The following ZDHHC11B variants were observed in gnomAD, a reference collection of about 807,000 sequenced individuals.
The protein encoded by ZDHHC11B is probable palmitoyltransferase ZDHHC11B.
ZDHHC11B carries 17 observed loss-of-function variants against 42.3 expected under a neutral mutation model. The ratio of observed to expected loss-of-function variants is 0.40; its 90% CI spans 0.27 to 0.60. ZDHHC11B has a LOEUF of 0.60. Ranked by LOEUF, ZDHHC11B falls within the 20% of genes least tolerant of loss-of-function variation. ZDHHC11B has a pLI of 0.41. For synonymous variants in ZDHHC11B, 123 were observed against 193.5 expected (o/e 0.64, Z 3.02); for missense variants, 262 against 463.2 (o/e 0.57, Z 3.99).
intron 7 of ZDHHC11B, among the ~76,000 whole-genome samples, chr5:749,250 A>G (rs112089529): frequency 7.7e-6 from 1 of 130,468 alleles, no homozygotes; most frequent in Non-Finnish European, 1.7e-5. Context: ...CACAGCTCTC[A>G]CCTGGGGTCA....
In ZDHHC11B at chr5:743,013, G is replaced by C. The variant is rs383089; in HGVS notation, c.901-1385C>G. On this transcript the variant is annotated intron_variant, in intron 9 of 13. Transcript: ENST00000508859. ...GGATTTGGGGCTAATTCTTCTGTGG[G>C]GAATGAAGTGATCCTGGGTAATCTT... 1.2e-3 allele frequency among the ~76,000 whole-genome samples: 184 copies of C among 149,432 alleles called. 4 individuals carry two copies. Among genetic ancestry groups the C allele is most frequent in the Middle Eastern group, 6.8e-3 (2 of 292 alleles).
intron 1 of ZDHHC11B, among the ~76,000 whole-genome samples, chr5:777,222 C>T (rs922028632): frequency 2.0e-5 from 3 of 151,860 alleles, no homozygotes; most frequent in African/African-American, 7.3e-5. Flanking sequence ...CGCGGACTCT[C>T]GCAGTGAGTG....
chr5:758,615 A>G (rs529605571), intron 4 of ZDHHC11B, among the ~76,000 whole-genome samples: 45 of 151,778 alleles, frequency 3.0e-4, no homozygotes, highest in African/African-American at 1.0e-3. Context: ...TGCAGGCGCC[A>G]TGGCCAGGCA....
At chr5:720,826 T>G (rs1371295292) in intron 12 of ZDHHC11B, among the ~76,000 whole-genome samples, 1 of 151,584 alleles carries the variant, frequency 6.6e-6, no homozygotes, top group African/African-American at 2.4e-5. Flanking sequence ...GAAACTAAGT[T>G]GGGGCTGACT....
intron 4 of ZDHHC11B, among the ~76,000 whole-genome samples, chr5:759,188 G>A (rs1405718733): frequency 1.3e-5 from 2 of 151,944 alleles, no homozygotes; most frequent in African/African-American, 4.8e-5. Flanking sequence ...TAGCTATGCT[G>A]GAACCTCCCC....
At position 716,322 on chromosome 5, in the gene ZDHHC11B, CCT is replaced by C. The variant is rs547820674; in HGVS notation, c.*7+477_*7+478del. ...AGCCTTCTAGTGAGTAAACTTTCCC[CCT>C]GATTCTGAAAGTAAATGATCATTTG... On this transcript the variant is annotated intron_variant, in intron 13 of 13. Coordinates refer to ENST00000508859, the MANE Select transcript of ZDHHC11B (RefSeq NM_001351303.2). Among the ~76,000 whole-genome samples, 266 of 151,438 alleles carry C rather than the reference CCT, an allele frequency of 1.8e-3. 9 individuals carry two copies. Among genetic ancestry groups the C allele is most frequent in the African/African-American group, 6.1e-3 (252 of 41,188 alleles).
chr5:777,573 C>T (rs748044747), intron 1 of ZDHHC11B, among the ~76,000 whole-genome samples: 1 of 151,958 alleles, frequency 6.6e-6, no homozygotes, highest in East Asian at 1.9e-4. Context: ...TCCGGCTACC[C>T]GCTTTTATTC....
At chr5:772,667 G>A (rs1173531585) in intron 1 of ZDHHC11B, among the ~76,000 whole-genome samples, 5 of 151,852 alleles carry the variant, frequency 3.3e-5, no homozygotes, top group African/African-American at 9.7e-5. Flanking sequence ...GCTTGGGAGG[G>A]CTGAGAACCA....
intron 4 of ZDHHC11B, among the ~76,000 whole-genome samples, chr5:759,486 C>A (rs1734300973): frequency 6.6e-6 from 1 of 151,974 alleles, no homozygotes; most frequent in African/African-American, 2.4e-5. Flanking sequence ...TCGTGCTGCC[C>A]TGGGCCACAG....
At chr5:731,721 C>T (rs1196931717) in intron 11 of ZDHHC11B, among the ~76,000 whole-genome samples, 2 of 151,830 alleles carry the variant, frequency 1.3e-5, no homozygotes, top group Non-Finnish European at 2.9e-5. Flanking sequence ...CAAATGTATC[C>T]GTTTTGTGAA....
chr5:762,529 C>T (rs1328920351), intron 4 of ZDHHC11B, among the ~76,000 whole-genome samples: 1 of 151,712 alleles, frequency 6.6e-6, no homozygotes, highest in East Asian at 1.9e-4. Flanking sequence ...CAAGGCACCC[C>T]AAGACCCAGA....
rs745532276 is a variant in ZDHHC11B at position 766,677 on chromosome 5, A to G, written c.222+21T>C. 12 of 1,592,808 alleles carry G rather than the reference A, an allele frequency of 7.5e-6. No individual in the cohort carries two copies. The South Asian group carries it at 1.4e-4, about 18-fold the overall frequency. On this transcript the variant is annotated intron_variant, in intron 4 of 13. Coordinates refer to ENST00000508859, the MANE Select transcript of ZDHHC11B (RefSeq NM_001351303.2). Reference sequence around the variant, plus strand: ...TCCAGGAACCCCTCCCGCTTAGACCATGCCACGATGAAAAGGATACCACAT... The same window carrying G: ...TCCAGGAACCCCTCCCGCTTAGACCGTGCCACGATGAAAAGGATACCACAT...
intron 1 of ZDHHC11B, among the ~76,000 whole-genome samples, chr5:769,686 A>G (rs1328108800): frequency 1.3e-5 from 2 of 151,932 alleles, no homozygotes; most frequent in African/African-American, 4.8e-5. Flanking sequence ...AGGCCAACAA[A>G]GTGCCCCTGA....
Position 716,881 on chromosome 5 carries a change from A to G in ZDHHC11B, c.1059-16T>C. 1 of 1,612,814 alleles carries G rather than the reference A, an allele frequency of 6.2e-7. No homozygotes were observed. Among genetic ancestry groups the G allele is most frequent in the Non-Finnish European group, 8.5e-7 (1 of 1,179,342 alleles). On this transcript the variant is annotated splice_polypyrimidine_tract_variant and intron_variant, in intron 12 of 13. Transcript: ENST00000508859. ...TTGTTGCAGCCTGTTTGCAATATTC[A>G]GAAAGAGAGACAACAGAGAACGTAT... is the stretch of plus-strand genomic sequence containing the variant.
rs534581757 is a variant in ZDHHC11B at position 767,376 on chromosome 5, C to T, written c.-1+16G>A. On this transcript the variant is annotated intron_variant, in intron 3 of 13. Coordinates refer to ENST00000508859, the MANE Select transcript of ZDHHC11B (RefSeq NM_001351303.2). ...AGCTGGACAGCAGCCAAGGGCTCCC[C>T]GGGGCCAACACCTGCCTCGGCGCAC... 7.5e-5 allele frequency: 117 copies of T among 1,561,900 alleles called. 5 individuals carry two copies. In the South Asian group the frequency reaches 9.3e-4, roughly 12 times the overall value.
rs12515784 is a variant in ZDHHC11B, at chr5:748,513, C to T, written c.675G>A (p.Pro225=). 0.016 allele frequency: 21,874 copies of T among 1,364,032 alleles called. 1,059 individuals are homozygous for T. Among genetic ancestry groups the T allele is most frequent in the South Asian group, 0.039 (2,399 of 61,926 alleles). 84.5% of individuals were successfully genotyped at this position (1,364,032 alleles called of 1,614,324 possible). ...CGACTATCAGAGTCTGCACCTGCACCGGGAACAGGGGGAGGAACAGCAGCC... is the reference window on the plus strand; with the variant it reads ...CGACTATCAGAGTCTGCACCTGCACTGGGAACAGGGGGAGGAACAGCAGCC... ...NTWLLFLPLF[P]VQVQTLIVVI... is the part of the protein sequence containing the mutation. Residue 225 remains proline (P), a synonymous_variant, in exon 8 of 14, where the codon CCG becomes CCA. Transcript: ENST00000508859.
rs1424860461 is a variant in ZDHHC11B, at chr5:761,899, C to CAGA, written c.222+4798_222+4799insTCT. Among the ~76,000 whole-genome samples, 4 of 18,512 alleles carry CAGA rather than the reference C, an allele frequency of 2.2e-4. No individual in the cohort carries two copies. The East Asian group carries it at 9.4e-3, about 43-fold the overall frequency. The allele number at this position is 18,512 out of a possible 152,430, so 12.1% of individuals were successfully genotyped here. ...TAGCCCCAGACAGCCACTCACAGCC[C>CAGA]TGGACAGACACTCCTAGCCCCAGAC... On this transcript the variant is annotated intron_variant, in intron 4 of 13. Coordinates refer to ENST00000508859, the MANE Select transcript of ZDHHC11B (RefSeq NM_001351303.2).
At chr5:752,308 G>A (rs1315651852) in intron 6 of ZDHHC11B, among the ~76,000 whole-genome samples, 4 of 91,596 alleles carry the variant, frequency 4.4e-5, no homozygotes, top group African/African-American at 9.5e-5. Context: ...CAAGGGTCTT[G>A]TGCAAATCTG....
At chr5:776,828 C>T in intron 1 of ZDHHC11B, among the ~76,000 whole-genome samples, 1 of 151,826 alleles carries the variant, frequency 6.6e-6, no homozygotes, top group East Asian at 1.9e-4. Context: ...TTTCAGAGCC[C>T]ATTTGGGTGC....
Sources: gnomAD v4.1 joint callset for allele counts (sites outside exome capture counted in the v4.1 genomes callset) on GRCh38, gnomAD v4.1.1 for gene constraint, MANE v1.5 for transcripts, NCBI Gene and HGNC (gene_info 2026-07-23, HGNC 2026-07-21) for gene names.